ADARB2: variants seen among roughly 807,000 people sequenced by gnomAD.
The protein encoded by ADARB2 is inactive double-stranded RNA-specific editase B2.
A neutral mutation model predicts 62.2 loss-of-function variants in ADARB2; 25 were observed. That is an observed-to-expected ratio of 0.40 (90% confidence interval 0.29 to 0.56). ADARB2 has a LOEUF of 0.56. Among genes scored for constraint, ADARB2 ranks in the 20% least tolerant of loss-of-function variants. The pLI, the probability that ADARB2 is intolerant of heterozygous loss-of-function variation, is 0.43. For synonymous variants in ADARB2, 572 were observed against 500.8 expected (o/e 1.14, Z -1.90); for missense variants, 1,071 against 1,077.4 (o/e 0.99, Z 0.08).
At chr10:1,263,624 T>TAC (rs1831165174) in intron 4 of ADARB2, among the ~76,000 whole-genome samples, 1 of 152,248 alleles carries the variant, frequency 6.6e-6, no homozygotes, top group African/African-American at 2.4e-5. Context: ...ATTGGAGTAC[T>TAC]AGACCTTGAG....
intron 4 of ADARB2, among the ~76,000 whole-genome samples, chr10:1,254,502 G>A (rs191166154): frequency 7.2e-4 from 110 of 152,294 alleles, no homozygotes; most frequent in African/African-American, 2.5e-3. Flanking sequence ...TCACAGATGT[G>A]GCTCCAGTCT....
intron 3 of ADARB2, among the ~76,000 whole-genome samples, chr10:1,337,670 T>C (rs1157883119): frequency 6.6e-6 from 1 of 151,936 alleles, no homozygotes; most frequent in African/African-American, 2.4e-5. Context: ...GGGGCTGGAG[T>C]GCAGGGATTA....
At chr10:1,684,530 TTCTG>T (rs750358629) in intron 1 of ADARB2, among the ~76,000 whole-genome samples, 46 of 152,328 alleles carry the variant, frequency 3.0e-4, no homozygotes, top group African/African-American at 7.2e-4. Flanking sequence ...CTTAAGATAT[TTCTG>T]TCTAACTGGA....
intron 1 of ADARB2, among the ~76,000 whole-genome samples, chr10:1,622,435 A>G (rs541659410): frequency 2.0e-5 from 3 of 152,298 alleles, no homozygotes; most frequent in Non-Finnish European, 4.4e-5. Context: ...CAAGTTATAT[A>G]TCTGATAAAG....
At chr10:1,522,790 A>G (rs1301401303) in intron 1 of ADARB2, among the ~76,000 whole-genome samples, 1 of 152,130 alleles carries the variant, frequency 6.6e-6, no homozygotes, top group Non-Finnish European at 1.5e-5. Context: ...ACTTCTCAGA[A>G]TACTTCCGAG....
chr10:1,549,414 C>G (rs1025179543), intron 1 of ADARB2, among the ~76,000 whole-genome samples: 62 of 152,098 alleles, frequency 4.1e-4, no homozygotes, highest in African/African-American at 1.4e-3. Context: ...TTGATTATTC[C>G]AAAGGTATAT....
intron 1 of ADARB2, among the ~76,000 whole-genome samples, chr10:1,602,431 G>C (rs1289104328): frequency 2.0e-5 from 3 of 152,172 alleles, no homozygotes; most frequent in African/African-American, 7.2e-5. Flanking sequence ...GCCTCCCAAG[G>C]AATGGAGGAG....
chr10:1,600,396 C>G (rs1470710102), intron 1 of ADARB2, among the ~76,000 whole-genome samples: 2 of 152,068 alleles, frequency 1.3e-5, no homozygotes, highest in Non-Finnish European at 2.9e-5. Flanking sequence ...CACAGTGGCT[C>G]ACGCCTATAA....
intron 1 of ADARB2, among the ~76,000 whole-genome samples, chr10:1,658,560 C>G (rs1305780057): frequency 6.6e-6 from 1 of 152,204 alleles, no homozygotes; most frequent in Non-Finnish European, 1.5e-5. Flanking sequence ...CTCTCTGTCT[C>G]TCTATCTCTC....
chr10:1,572,843 C>T (rs987171936), intron 1 of ADARB2, among the ~76,000 whole-genome samples: 1 of 152,164 alleles, frequency 6.6e-6, no homozygotes, highest in Non-Finnish European at 1.5e-5. Flanking sequence ...TGCTTCTGGG[C>T]CCCCAAATGC....
rs1345474978 is a variant in ADARB2 at position 1,242,405 on chromosome 10, C to T, written c.1193-106G>A. ...CAGCGGTTTCCCTGGGTTAGGAAAC[C>T]TTGGAAACACTGCGTTTTGAGAGCT... On this transcript the variant is annotated intron_variant, in intron 4 of 9. Transcript: ENST00000381312. 5 of 1,364,012 alleles carry T rather than the reference C, an allele frequency of 3.7e-6. No homozygotes were observed. The African/African-American group carries it at 5.8e-5, about 16-fold the overall frequency. The allele number at this position is 1,364,012 out of a possible 1,614,324, so 84.5% of individuals were successfully genotyped here.
chr10:1,363,672 C>T lies in ADARB2; in HGVS notation c.433G>A (p.Val145Met), dbSNP rs1266146131. ...ELRPGLQYRT[V>M]SQTGPVHAPV... Reference sequence around the variant, plus strand: ...GCATGCACCGGGCCCGTCTGCGACACTGTCCGGTACTGCAGGCCCGGCCTC... The same window carrying T: ...GCATGCACCGGGCCCGTCTGCGACATTGTCCGGTACTGCAGGCCCGGCCTC... Residue 145 changes from valine to methionine, a missense_variant, in exon 3 of 10, where the codon GTG becomes ATG. By Grantham distance (21) the Val-to-Met change is conservative. Coordinates refer to ENST00000381312, the MANE Select transcript of ADARB2 (RefSeq NM_018702.4). 1.2e-6 allele frequency: 2 copies of T among 1,609,516 alleles called. No individual in the cohort carries two copies. The highest frequency in any genetic ancestry group is 2.2e-5 in the South Asian group (2 of 90,820).
chr10:1,269,107 CT>C (rs1247023545), intron 4 of ADARB2, among the ~76,000 whole-genome samples: 2 of 152,120 alleles, frequency 1.3e-5, no homozygotes, highest in Non-Finnish European at 2.9e-5. Context: ...CTCCCCTCCC[CT>C]TTCTACTCCC....
At position 1,668,509 on chromosome 10, in the gene ADARB2, A is replaced by G. The variant is rs145638896; in HGVS notation, c.100+68542T>C. On this transcript the variant is annotated intron_variant, in intron 1 of 9. Transcript: ENST00000381312. Reference sequence around the variant, plus strand: ...TGTGTGGTTTTCCAAGTCCCAGGGCATGCAAATGAGCCAATTAGAAGCAGT... The same window carrying G: ...TGTGTGGTTTTCCAAGTCCCAGGGCGTGCAAATGAGCCAATTAGAAGCAGT... Among the ~76,000 whole-genome samples, 5 of 152,328 alleles carry G rather than the reference A, an allele frequency of 3.3e-5. No individual in the cohort carries two copies. The East Asian group carries it at 7.7e-4, about 24-fold the overall frequency.
intron 1 of ADARB2, among the ~76,000 whole-genome samples, chr10:1,430,923 AG>A (rs1415603369): frequency 2.0e-5 from 3 of 152,244 alleles, no homozygotes; most frequent in African/African-American, 4.8e-5. Flanking sequence ...TAAAGCAAAA[AG>A]TGACAGACCT....
chr10:1,730,013 T>C (rs1185078518), intron 1 of ADARB2, among the ~76,000 whole-genome samples: 2 of 152,190 alleles, frequency 1.3e-5, no homozygotes, highest in African/African-American at 2.4e-5. Context: ...GGTTAAGGGG[T>C]TTAAAGGAAT....
intron 1 of ADARB2, among the ~76,000 whole-genome samples, chr10:1,572,491 G>T (rs1832956046): frequency 6.6e-6 from 1 of 152,084 alleles, no homozygotes. Context: ...TGACTGTGAG[G>T]GTGTTTGTTT....
At chr10:1,302,544 CG>C (rs1222745661) in intron 3 of ADARB2, among the ~76,000 whole-genome samples, 1 of 152,184 alleles carries the variant, frequency 6.6e-6, no homozygotes, top group African/African-American at 2.4e-5. Context: ...AGGAGGCCTG[CG>C]TGCCTCTGTA....
At chr10:1,384,260 G>A (rs988450125) in intron 1 of ADARB2, among the ~76,000 whole-genome samples, 3 of 152,342 alleles carry the variant, frequency 2.0e-5, no homozygotes, top group African/African-American at 4.8e-5. Flanking sequence ...TCCAAGGACC[G>A]TGACTCAACA....
Sources: allele counts gnomAD v4.1 joint callset (sites outside exome capture counted in the v4.1 genomes callset), GRCh38; gene constraint gnomAD v4.1.1; transcripts MANE v1.5; gene names NCBI Gene and HGNC (gene_info 2026-07-23, HGNC 2026-07-21).